The following CAMK4 variants were observed in gnomAD, a reference collection of about 807,000 sequenced individuals.
The protein encoded by CAMK4 is calcium/calmodulin-dependent protein kinase type IV.
Under a neutral mutation model 44.9 loss-of-function variants are expected in CAMK4, and 22 were observed. That is an observed-to-expected ratio of 0.49 (90% CI 0.35 to 0.70). The LOEUF (loss-of-function observed/expected upper bound fraction) is 0.70. Among genes scored for constraint, CAMK4 ranks in the 30% least tolerant of loss-of-function variants. The pLI is 0.01. For missense variants in CAMK4, 498 were observed against 586.8 expected, an observed-to-expected ratio of 0.85 and a Z score of 1.56; for synonymous variants, 218 against 215.4, an observed-to-expected ratio of 1.01 and a Z score of -0.11.
chr5:111,480,636 G>A (rs1393812795), intron 9 of CAMK4, among the ~76,000 whole-genome samples: 2 of 151,918 alleles, frequency 1.3e-5, no homozygotes, highest in Admixed American at 6.6e-5. Context: ...TGCCCCCTTT[G>A]TCATGTCCTG....
chr5:111,378,110 T>C (rs560982534), intron 4 of CAMK4, among the ~76,000 whole-genome samples: 48 of 152,014 alleles, frequency 3.2e-4, no homozygotes, highest in African/African-American at 1.1e-3. Context: ...GGTCATTAGG[T>C]CATAAAGGTG....
At chr5:111,294,910 A>G (rs142882988) in intron 1 of CAMK4, among the ~76,000 whole-genome samples, 2 of 152,300 alleles carry the variant, frequency 1.3e-5, no homozygotes, top group African/African-American at 2.4e-5. Flanking sequence ...TGAAACTGTT[A>G]TGTTTTTCAC....
intron 5 of CAMK4, among the ~76,000 whole-genome samples, chr5:111,418,289 G>A (rs1252992994): frequency 6.6e-6 from 1 of 152,064 alleles, no homozygotes; most frequent in East Asian, 1.9e-4. Context: ...AAATAGGTGT[G>A]GGTCACAGAC....
chr5:111,238,679 C>T (rs1447518393), intron 1 of CAMK4, among the ~76,000 whole-genome samples: 1 of 150,202 alleles, frequency 6.7e-6, no homozygotes, highest in East Asian at 1.9e-4. Flanking sequence ...GTGATCTGCT[C>T]TTCTTTCTCA....
chr5:111,400,389 T>A (rs564552385), intron 5 of CAMK4, among the ~76,000 whole-genome samples: 1 of 152,350 alleles, frequency 6.6e-6, no homozygotes, highest in South Asian at 2.1e-4. Flanking sequence ...TTGGGACAGG[T>A]GGGAACTCAG....
At chr5:111,270,656 C>A (rs919727899) in intron 1 of CAMK4, among the ~76,000 whole-genome samples, 1 of 152,326 alleles carries the variant, frequency 6.6e-6, no homozygotes, top group Admixed American at 6.5e-5. Flanking sequence ...ATTCCATGAA[C>A]CACACCTTCC....
chr5:111,484,399 A>G lies in CAMK4; in HGVS notation c.1355A>G (p.Glu452Gly). The change falls in exon 11 of 11, where the codon GAA becomes GGA. Residue 452 changes from glutamate to glycine, a missense_variant. Transcript: ENST00000282356. The surrounding 1 kb of genome is among the most constrained non-coding windows in gnomAD (Gnocchi z 5.3). ...GTGGAGGAGGCAGCAGCTCCCAGAG[A>G]AGGGCAAGGAAGCTCTGCTGTGGGT... ...KTVEEAAAPR[E>G]GQGSSAVGFE... 1 of 1,573,490 alleles carries G rather than the reference A, an allele frequency of 6.4e-7. No homozygotes were observed. Among genetic ancestry groups the G allele is most frequent in the Non-Finnish European group, 8.6e-7 (1 of 1,161,504 alleles).
At chr5:111,309,359 A>G (rs1748100614) in intron 1 of CAMK4, among the ~76,000 whole-genome samples, 1 of 152,134 alleles carries the variant, frequency 6.6e-6, no homozygotes, top group Non-Finnish European at 1.5e-5. Flanking sequence ...ATGATCAAAG[A>G]TGTGCATTTG....
chr5:111,419,327 T>C (rs1268606187), intron 5 of CAMK4, among the ~76,000 whole-genome samples: 1 of 152,226 alleles, frequency 6.6e-6, no homozygotes, highest in African/African-American at 2.4e-5. Context: ...GAGTTCATTG[T>C]AGATTCTGGA....
chr5:111,394,286 T>C (rs1751915845), intron 4 of CAMK4, among the ~76,000 whole-genome samples: 2 of 152,188 alleles, frequency 1.3e-5, no homozygotes, highest in African/African-American at 2.4e-5. Flanking sequence ...AATGAAATTA[T>C]ATAATGTCTG....
chr5:111,392,807 A>G (rs1336702095), intron 4 of CAMK4, among the ~76,000 whole-genome samples: 3 of 152,164 alleles, frequency 2.0e-5, no homozygotes, highest in Non-Finnish European at 4.4e-5. Flanking sequence ...ACAATGACTT[A>G]TTCTAGGTCT....
At chr5:111,324,960 C>G (rs911171928) in intron 1 of CAMK4, among the ~76,000 whole-genome samples, 3 of 151,844 alleles carry the variant, frequency 2.0e-5, no homozygotes, top group African/African-American at 7.3e-5. Context: ...GTTTTAAGCC[C>G]CGCGTGCATT....
At chr5:111,297,794 A>G (rs553412897) in intron 1 of CAMK4, among the ~76,000 whole-genome samples, 1 of 152,254 alleles carries the variant, frequency 6.6e-6, no homozygotes, top group East Asian at 1.9e-4. Flanking sequence ...TAATTCCTCT[A>G]GGTTTGGAGC....
At chr5:111,352,649 G>GAA (rs1750161423) in intron 2 of CAMK4, among the ~76,000 whole-genome samples, 1 of 146,500 alleles carries the variant, frequency 6.8e-6, no homozygotes. Context: ...GAGAGAGAGA[G>GAA]AGAGAGAGAG....
chr5:111,486,898 A>G lies in CAMK4; in HGVS notation c.*2432A>G, dbSNP rs185052776. The G allele has an allele frequency of 2.0e-5, 3 of 152,310 alleles. No individual in the cohort carries two copies. The East Asian group carries it at 5.8e-4, about 29-fold the overall frequency. The allele number at this position is 152,310 out of a possible 1,614,324, so 9.4% of individuals were successfully genotyped here. ...GGAGTTTTAAATTTTGACTCATGTT[A>G]AAGATAAGATTCTGATAATGACTAT... is the stretch of plus-strand genomic sequence containing the variant. On this transcript the variant is annotated 3_prime_UTR_variant, in exon 11 of 11. Transcript: ENST00000282356.
intron 7 of CAMK4, among the ~76,000 whole-genome samples, chr5:111,467,706 A>G (rs1276313653): frequency 6.6e-6 from 1 of 152,160 alleles, no homozygotes; most frequent in Non-Finnish European, 1.5e-5. Context: ...AAAATAATAC[A>G]TGTTGGTGTG....
At chr5:111,410,701 A>G (rs974787011) in intron 5 of CAMK4, among the ~76,000 whole-genome samples, 3 of 152,202 alleles carry the variant, frequency 2.0e-5, no homozygotes, top group Non-Finnish European at 4.4e-5. Context: ...CCCATAAAAA[A>G]TAAATTTTTA....
chr5:111,411,930 T>C (rs1752646513), intron 5 of CAMK4, among the ~76,000 whole-genome samples: 3 of 152,190 alleles, frequency 2.0e-5, no homozygotes, highest in Admixed American at 2.0e-4. Context: ...ATCTGCTCTG[T>C]TTATTCAAAA....
chr5:111,348,346 T>C (rs890263709), intron 2 of CAMK4, among the ~76,000 whole-genome samples: 1 of 152,018 alleles, frequency 6.6e-6, no homozygotes, highest in Non-Finnish European at 1.5e-5. Context: ...CCAGCTCTTG[T>C]GGAGAAATCT....
Sources: allele counts gnomAD v4.1 joint callset (sites outside exome capture counted in the v4.1 genomes callset), GRCh38; gene constraint gnomAD v4.1.1; non-coding constraint Gnocchi (gnomAD v3.1); transcripts MANE v1.5; gene names NCBI Gene and HGNC (gene_info 2026-07-23, HGNC 2026-07-21).